The following NRXN1 variants were observed in gnomAD, a reference collection of about 807,000 sequenced individuals.
The protein encoded by NRXN1 is neurexin-1.
In NRXN1, 39 loss-of-function variants were observed where a neutral mutation model predicts 150.9. The ratio of observed to expected loss-of-function variants is 0.26; its 90% CI spans 0.20 to 0.34. The LOEUF is 0.34. Among genes scored for constraint, NRXN1 ranks in the 10% least tolerant of loss-of-function variants. NRXN1 has a pLI of 1.00. For missense variants in NRXN1, 1,815 were observed against 1,949.9 expected, an observed-to-expected ratio of 0.93 and a Z score of 1.30; for synonymous variants, 924 against 757.0, an observed-to-expected ratio of 1.22 and a Z score of -3.62.
At chr2:50,463,769 A>AT (rs2088506618) in intron 17 of NRXN1, among the ~76,000 whole-genome samples, 1 of 151,824 alleles carries the variant, frequency 6.6e-6, no homozygotes, top group South Asian at 2.1e-4. Flanking sequence ...TGGCAACTGT[A>AT]TGTAAAACAT....
chr2:49,978,023 G>A lies in NRXN1; in HGVS notation c.4129-34232C>T, dbSNP rs550559534. ...CTAAAAACACAAAAATTAGCTAGGC[G>A]TGGTGGCAGGTGCCTGTAATCCCAG... On this transcript the variant is annotated intron_variant, in intron 21 of 22. Coordinates refer to ENST00000401669, the MANE Select transcript of NRXN1 (RefSeq NM_001330078.2). Among the ~76,000 whole-genome samples the A allele has an allele frequency of 4.6e-5, 7 of 152,094 alleles. No homozygotes were observed. In the South Asian group the frequency reaches 8.3e-4, roughly 18 times the overall value.
chr2:50,765,910 T>C (rs3914724), intron 5 of NRXN1, among the ~76,000 whole-genome samples: 14,386 of 152,062 alleles, frequency 0.095, 749 homozygotes, highest in Middle Eastern at 0.12. Context: ...CTCCTTGCTA[T>C]TGAACACATG....
intron 18 of NRXN1, among the ~76,000 whole-genome samples, chr2:50,191,198 G>GTTTTTTTTTTTTTTTTTT (rs199985011): frequency 8.5e-6 from 1 of 117,526 alleles, no homozygotes; most frequent in African/African-American, 3.1e-5. Context: ...TCAGCTAATT[G>GTTTTTTTTTTTTTTTTTT]TTTTTTGTTT....
chr2:50,019,947 CAAAA>C (rs1161865745), intron 21 of NRXN1, among the ~76,000 whole-genome samples: 3 of 43,358 alleles, frequency 6.9e-5, no homozygotes, highest in Non-Finnish European at 9.8e-5. Flanking sequence ...GACTCCGTCT[CAAAA>C]AAAAAAAAAA....
intron 5 of NRXN1, among the ~76,000 whole-genome samples, chr2:50,906,804 T>C (rs1403697199): frequency 6.6e-6 from 1 of 152,072 alleles, no homozygotes; most frequent in Non-Finnish European, 1.5e-5. Flanking sequence ...CAATGATGTA[T>C]AAATCTTAAT....
intron 21 of NRXN1, among the ~76,000 whole-genome samples, chr2:50,050,970 A>G (rs1692625353): frequency 6.6e-6 from 1 of 152,052 alleles, no homozygotes; most frequent in African/African-American, 2.4e-5. Flanking sequence ...ACAATTTTAA[A>G]TATCTATTTT....
chr2:50,405,607 A>G (rs894018704), intron 17 of NRXN1, among the ~76,000 whole-genome samples: 4 of 152,274 alleles, frequency 2.6e-5, no homozygotes, highest in Admixed American at 2.6e-4. Context: ...AGAAAATTGT[A>G]CATTTCCTTT....
intron 8 of NRXN1, among the ~76,000 whole-genome samples, chr2:50,555,805 T>A (rs1250107460): frequency 6.6e-6 from 1 of 152,300 alleles, no homozygotes; most frequent in South Asian, 2.1e-4. Context: ...GAAAAAAGCA[T>A]AAACTTATGT....
chr2:50,141,452 G>A (rs1029618269), intron 18 of NRXN1, among the ~76,000 whole-genome samples: 2 of 151,936 alleles, frequency 1.3e-5, no homozygotes, highest in African/African-American at 4.8e-5. Context: ...AACAAAAAGA[G>A]ATAACTGGGA....
In NRXN1 at chr2:50,712,269, C is replaced by A. The variant is rs559016010; in HGVS notation, c.833-88654G>T. Among the ~76,000 whole-genome samples, 3 of 152,078 alleles carry A rather than the reference C, an allele frequency of 2.0e-5. No individual in the cohort carries two copies. In the East Asian group the frequency reaches 5.8e-4, roughly 29 times the overall value. On this transcript the variant is annotated intron_variant, in intron 5 of 22. Transcript: ENST00000401669. ...GGTGTCAGTTAGATTCTAAAGTCTT[C>A]CCTTTCCTTTCCAATGCTGTATCTC...
intron 5 of NRXN1, among the ~76,000 whole-genome samples, chr2:50,813,368 C>T (rs1208456732): frequency 1.3e-5 from 2 of 151,974 alleles, no homozygotes; most frequent in African/African-American, 4.8e-5. Flanking sequence ...TTTGCACTAT[C>T]TTCTCTCGTT....
chr2:50,088,414 T>C (rs1209796482), intron 19 of NRXN1, among the ~76,000 whole-genome samples: 1 of 152,208 alleles, frequency 6.6e-6, no homozygotes, highest in African/African-American at 2.4e-5. Flanking sequence ...ACTTTTTATA[T>C]GTATATATTG....
chr2:50,033,342 T>A (rs928694963), intron 21 of NRXN1, among the ~76,000 whole-genome samples: 1 of 152,016 alleles, frequency 6.6e-6, no homozygotes, highest in Non-Finnish European at 1.5e-5. Flanking sequence ...AACCATCTGA[T>A]CTTTAACAAA....
At chr2:50,465,959 T>C (rs1332278345) in intron 16 of NRXN1, among the ~76,000 whole-genome samples, 1 of 151,814 alleles carries the variant, frequency 6.6e-6, no homozygotes, top group Non-Finnish European at 1.5e-5. Flanking sequence ...TATAACTTCA[T>C]GAAATTGAGA....
At chr2:50,515,152 G>A (rs189292754) in intron 12 of NRXN1, among the ~76,000 whole-genome samples, 2 of 152,212 alleles carry the variant, frequency 1.3e-5, no homozygotes, top group East Asian at 1.9e-4. Context: ...AGTGACAACC[G>A]ATTCTCACAG....
chr2:50,924,601 A>G (rs577612835), intron 3 of NRXN1, among the ~76,000 whole-genome samples: 2 of 151,910 alleles, frequency 1.3e-5, no homozygotes, highest in South Asian at 4.1e-4. Context: ...AAAAGATATT[A>G]GGCCTGCAGG....
chr2:50,931,615 T>A (rs899329205), intron 2 of NRXN1, among the ~76,000 whole-genome samples: 5 of 152,088 alleles, frequency 3.3e-5, no homozygotes, highest in Non-Finnish European at 5.9e-5. Flanking sequence ...AGGAAGCTAT[T>A]CCTTGGAAGG....
At chr2:50,830,491 A>C (rs939808524) in intron 5 of NRXN1, among the ~76,000 whole-genome samples, 13 of 152,044 alleles carry the variant, frequency 8.6e-5, no homozygotes, top group African/African-American at 3.1e-4. Flanking sequence ...TAAATGAAAA[A>C]AAAAAAAGTT....
chr2:49,950,572 C>T (rs979080244), intron 21 of NRXN1, among the ~76,000 whole-genome samples: 3 of 151,958 alleles, frequency 2.0e-5, no homozygotes, highest in African/African-American at 7.2e-5. Context: ...ATTTACTGTT[C>T]TCTCTCTGTT....
Sources: allele counts gnomAD v4.1 joint callset (sites outside exome capture counted in the v4.1 genomes callset), GRCh38; gene constraint gnomAD v4.1.1; transcripts MANE v1.5; gene names NCBI Gene and HGNC (gene_info 2026-07-23, HGNC 2026-07-21).